Variants in ZBED6 observed in about 807,000 individuals in gnomAD.
ZBED6 encodes zinc finger BED domain-containing protein 6.
Under a neutral mutation model 58.4 loss-of-function variants are expected in ZBED6, and 40 were observed. That is an observed-to-expected ratio of 0.68 (90% CI 0.53 to 0.89). The LOEUF is 0.89. Ranked by LOEUF, ZBED6 falls within the 40% of genes least tolerant of loss-of-function variation. ZBED6 has a pLI of 0.00. For synonymous variants in ZBED6, 439 were observed against 350.6 expected (o/e 1.25, Z -2.82); for missense variants, 1,057 against 1,003.9 (o/e 1.05, Z -0.71).
At chr1:203,832,144 C>T (rs1316619604) in intron 8 of ZBED6, among the ~76,000 whole-genome samples, 2 of 152,100 alleles carry the variant, frequency 1.3e-5, no homozygotes, top group South Asian at 2.1e-4. Context: ...CCGCAGCCTC[C>T]GTCTTCTGGG....
At chr1:203,830,459 C>T (rs1305104636) in intron 7 of ZBED6, among the ~76,000 whole-genome samples, 1 of 152,154 alleles carries the variant, frequency 6.6e-6, no homozygotes, top group Non-Finnish European at 1.5e-5. Flanking sequence ...CTCTGAAGAA[C>T]ATCATATAAG....
At chr1:203,835,845 T>TC in intron 9 of ZBED6, 1 of 241,062 alleles carries the variant, frequency 4.1e-6, no homozygotes, top group Non-Finnish European at 9.2e-6. Flanking sequence ...AGCTATGTGC[T>TC]CCCTTTTTTT....
intron 1 of ZBED6, among the ~76,000 whole-genome samples, chr1:203,806,691 G>A (rs944190538): frequency 2.0e-5 from 3 of 152,004 alleles, no homozygotes; most frequent in Non-Finnish European, 2.9e-5. Flanking sequence ...TCCTTTTTTC[G>A]CTTATCTTGA....
intron 11 of ZBED6, among the ~76,000 whole-genome samples, chr1:203,846,240 A>G (rs1185873085): frequency 1.3e-5 from 2 of 151,320 alleles, no homozygotes; most frequent in African/African-American, 4.9e-5. Flanking sequence ...TTTATTTCAT[A>G]GCACTATCTC....
At chr1:203,840,314 T>G in exon 11 of ZBED6, 3 of 1,612,992 alleles carry the variant, frequency 1.9e-6, no homozygotes, top group Non-Finnish European at 2.5e-6. Flanking sequence ...AGCTCAAGTT[T>G]CCAAGTCTCT....
intron 9 of ZBED6, among the ~76,000 whole-genome samples, chr1:203,835,315 T>C (rs937838334): frequency 6.6e-6 from 1 of 152,178 alleles, no homozygotes; most frequent in Non-Finnish European, 1.5e-5. Flanking sequence ...GCACTTGATA[T>C]CAGTAAATAT....
exon 3 of ZBED6, chr1:203,818,595 G>C: frequency 6.2e-7 from 1 of 1,614,054 alleles, no homozygotes. Flanking sequence ...TTCCGTCACT[G>C]TGAAGCTGCA....
chr1:203,843,749 T>C (rs754077954), intron 11 of ZBED6, among the ~76,000 whole-genome samples: 1 of 152,226 alleles, frequency 6.6e-6, no homozygotes, highest in Non-Finnish European at 1.5e-5. Context: ...GGGCCAGCCT[T>C]ATCTTTATTA....
chr1:203,852,663 A>C (rs552573964), exon 17 of ZBED6: 93 of 467,474 alleles, frequency 2.0e-4, no homozygotes, highest in Non-Finnish European at 3.1e-4. Flanking sequence ...TCCACAAAAA[A>C]GAGACTGAGA....
At chr1:203,851,694 G>A (rs933285340) in intron 16 of ZBED6, among the ~76,000 whole-genome samples, 28 of 149,940 alleles carry the variant, frequency 1.9e-4, no homozygotes, top group Admixed American at 1.6e-3. Flanking sequence ...CAGGCAAGGC[G>A]GCTTATGCCT....
At chr1:203,850,394 T>C (rs955846675) in intron 14 of ZBED6, 121 bp from the exon 15 acceptor site, 1 of 1,449,742 alleles carries the variant, frequency 6.9e-7, no homozygotes, top group Non-Finnish European at 9.7e-7. Flanking sequence ...TCAGTCTCTT[T>C]TTAAATGAAT....
At chr1:203,831,299 T>C (rs949762158) in intron 7 of ZBED6, among the ~76,000 whole-genome samples, 3 of 152,146 alleles carry the variant, frequency 2.0e-5, no homozygotes, top group African/African-American at 7.2e-5. Context: ...CTTGGAGTTG[T>C]GTTTTCAGAT....
chr1:203,811,242 A>AG (rs1258752505), intron 1 of ZBED6, among the ~76,000 whole-genome samples: 1 of 151,876 alleles, frequency 6.6e-6, no homozygotes, highest in African/African-American at 2.4e-5. Context: ...CAGGAGGTGG[A>AG]GGTTGCAGTC....
At chr1:203,815,642 G>C (rs1369244965) in intron 1 of ZBED6, among the ~76,000 whole-genome samples, 1 of 151,936 alleles carries the variant, frequency 6.6e-6, no homozygotes, top group African/African-American at 2.4e-5. Context: ...TTAAACATTT[G>C]GGTACATGTT....
intron 3 of ZBED6, among the ~76,000 whole-genome samples, chr1:203,820,590 G>A (rs1166903497): frequency 1.3e-5 from 2 of 151,840 alleles, no homozygotes; most frequent in Non-Finnish European, 2.9e-5. Context: ...TGATTCTTGT[G>A]CCTCAACCTC....
chr1:203,799,683 C>A, exon 1 of ZBED6: 1 of 709,774 alleles, frequency 1.4e-6, no homozygotes, highest in Admixed American at 2.0e-5. Flanking sequence ...TCATCTACTC[C>A]TTTCCCTGCA....
chr1:203,799,247 T>C, exon 1 of ZBED6: 2 of 828,954 alleles, frequency 2.4e-6, no homozygotes, highest in Admixed American at 2.0e-5. Flanking sequence ...CAATCAAAGA[T>C]GGTGGTTTTA....
At chr1:203,813,808 C>G (rs1042242085) in intron 1 of ZBED6, among the ~76,000 whole-genome samples, 1 of 152,022 alleles carries the variant, frequency 6.6e-6, no homozygotes, top group Non-Finnish European at 1.5e-5. Flanking sequence ...GTCATCTTCT[C>G]CTTGTGTGTC....
At chr1:203,828,208 C>G in intron 3 of ZBED6, 91 bp from the exon 4 acceptor site, 1 of 1,492,038 alleles carries the variant, frequency 6.7e-7, no homozygotes, top group Non-Finnish European at 9.1e-7. Flanking sequence ...GATTTTTGAA[C>G]CCTGTATGAA....
Sources: allele counts gnomAD v4.1 joint callset (sites outside exome capture counted in the v4.1 genomes callset), GRCh38; gene constraint gnomAD v4.1.1; transcripts MANE v1.5; gene names NCBI Gene and HGNC (gene_info 2026-07-23, HGNC 2026-07-21).